Variants in DOCK9 observed in about 807,000 individuals in gnomAD.
DOCK9 encodes dedicator of cytokinesis 9, also known as dedicator of cytokinesis protein 9.
DOCK9 carries 89 observed loss-of-function variants against 263.3 expected under a neutral mutation model. The ratio of observed to expected loss-of-function variants is 0.34; its 90% confidence interval spans 0.28 to 0.40. The LOEUF is 0.40. Ranked by LOEUF, DOCK9 falls within the 10% of genes least tolerant of loss-of-function variation. The pLI, the probability that DOCK9 is intolerant of heterozygous loss-of-function variation, is 1.00. For synonymous variants in DOCK9, 976 were observed against 973.1 expected (o/e 1.00, Z -0.06); for missense variants, 2,140 against 2,603.4 (o/e 0.82, Z 3.87).
intron 38 of DOCK9, among the ~76,000 whole-genome samples, chr13:98,841,357 T>C (rs1174434388): frequency 6.6e-6 from 1 of 152,150 alleles, no homozygotes; most frequent in African/African-American, 2.4e-5. Context: ...AATACTTGGT[T>C]TAAACATACC....
At chr13:98,910,043 G>A (rs1255767887) in intron 9 of DOCK9, among the ~76,000 whole-genome samples, 1 of 152,164 alleles carries the variant, frequency 6.6e-6, no homozygotes, top group Non-Finnish European at 1.5e-5. Flanking sequence ...AAAGTTGGAT[G>A]CTATTCTTTG....
upstream of DOCK9, among the ~76,000 whole-genome samples, chr13:98,981,935 C>T (rs564206900): frequency 1.3e-5 from 2 of 152,274 alleles, no homozygotes; most frequent in South Asian, 2.1e-4. Context: ...GGTGTATGTC[C>T]GACCCCCGAT....
intron 2 of DOCK9, among the ~76,000 whole-genome samples, chr13:98,951,345 T>G (rs2057386124): frequency 6.6e-6 from 1 of 152,226 alleles, no homozygotes. Flanking sequence ...ACAGTATTAA[T>G]ATTTACTTGA....
intron 1 of DOCK9, among the ~76,000 whole-genome samples, chr13:99,070,015 C>CT (rs914368504): frequency 4.0e-5 from 6 of 151,800 alleles, no homozygotes; most frequent in South Asian, 2.1e-4. Context: ...CAAAGATAGA[C>CT]TTTTTTTTTC....
chr13:98,931,055 C>T (rs1031132160), intron 2 of DOCK9, among the ~76,000 whole-genome samples: 13 of 152,300 alleles, frequency 8.5e-5, no homozygotes, highest in Admixed American at 2.0e-4. Context: ...TGTTCACTGC[C>T]ACATCCCCAG....
At chr13:98,881,062 T>C (rs1172635488) in intron 25 of DOCK9, among the ~76,000 whole-genome samples, 1 of 152,252 alleles carries the variant, frequency 6.6e-6, no homozygotes, top group Non-Finnish European at 1.5e-5. Context: ...CTGTTTAGAA[T>C]AGTAACTGCC....
intron 1 of DOCK9, among the ~76,000 whole-genome samples, chr13:99,042,214 A>G (rs1888524553): frequency 6.6e-6 from 1 of 152,258 alleles, no homozygotes; most frequent in Admixed American, 6.5e-5. Context: ...AACAGGTATT[A>G]TCTCTGTGCT....
intron 1 of DOCK9, among the ~76,000 whole-genome samples, chr13:98,966,976 T>C (rs1286832104): frequency 1.3e-5 from 2 of 152,220 alleles, no homozygotes; most frequent in South Asian, 2.1e-4. Context: ...AGCTCTGAGG[T>C]TGGGGCCTCA....
intron 3 of DOCK9, among the ~76,000 whole-genome samples, chr13:98,927,840 C>T (rs1349581777): frequency 1.3e-5 from 2 of 151,850 alleles, no homozygotes; most frequent in African/African-American, 4.8e-5. Flanking sequence ...AGGCTGGTCT[C>T]GAACTCCTGA....
chr13:99,015,493 T>C, intron 1 of DOCK9: 1 of 1,597,966 alleles, frequency 6.3e-7, no homozygotes. Context: ...TGTCCAATTG[T>C]ATGCTGTATA....
chr13:98,796,268 T>G, intron 52 of DOCK9: 1 of 1,478,570 alleles, frequency 6.8e-7, no homozygotes. Context: ...GCTCACACAC[T>G]GACGTTCGTT....
chr13:99,069,257 C>T (rs1566384068), intron 1 of DOCK9, among the ~76,000 whole-genome samples: 1 of 152,312 alleles, frequency 6.6e-6, no homozygotes, highest in East Asian at 1.9e-4. Flanking sequence ...TAAGTTACTA[C>T]TGAGACCTTT....
intron 37 of DOCK9, 107 bp downstream of exon 37, chr13:98,848,485 G>A (rs1010505060): frequency 1.3e-5 from 15 of 1,192,772 alleles, no homozygotes; most frequent in Admixed American, 1.1e-4. Context: ...CCCCATGGCC[G>A]CTTCCATGAA....
intron 1 of DOCK9, among the ~76,000 whole-genome samples, chr13:98,967,149 A>G (rs1245689557): frequency 1.3e-5 from 2 of 152,264 alleles, no homozygotes; most frequent in African/African-American, 2.4e-5. Context: ...ACCTTTGGAC[A>G]AGTTGCTTAT....
chr13:98,935,914 C>T (rs2054748182), intron 2 of DOCK9, among the ~76,000 whole-genome samples: 1 of 152,178 alleles, frequency 6.6e-6, no homozygotes, highest in Admixed American at 6.5e-5. Flanking sequence ...ATTCATTGCC[C>T]TTGCTCTGAG....
intron 2 of DOCK9, among the ~76,000 whole-genome samples, chr13:98,949,075 G>A (rs2057077993): frequency 6.6e-6 from 1 of 151,958 alleles, no homozygotes; most frequent in African/African-American, 2.4e-5. Flanking sequence ...TCCAGAAGTG[G>A]TATACAACAT....
At chr13:99,058,768 A>G (rs1256319397) in intron 1 of DOCK9, among the ~76,000 whole-genome samples, 4 of 151,710 alleles carry the variant, frequency 2.6e-5, no homozygotes, top group Non-Finnish European at 4.4e-5. Context: ...CAAGGACTCC[A>G]CCCCCTAAAG....
At chr13:98,943,937 C>T (rs1454252453) in intron 2 of DOCK9, among the ~76,000 whole-genome samples, 1 of 152,130 alleles carries the variant, frequency 6.6e-6, no homozygotes, top group African/African-American at 2.4e-5. Flanking sequence ...ATCCTTAGTT[C>T]AAATCTTCCT....
chr13:98,894,814 A>C (rs1009344818), intron 15 of DOCK9, among the ~76,000 whole-genome samples: 10 of 151,962 alleles, frequency 6.6e-5, no homozygotes, highest in Non-Finnish European at 1.3e-4. Flanking sequence ...AAACACATTA[A>C]AAGTCAAAAA....
Sources: gnomAD v4.1 joint callset for allele counts (sites outside exome capture counted in the v4.1 genomes callset) on GRCh38, gnomAD v4.1.1 for gene constraint, MANE v1.5 for transcripts, NCBI Gene and HGNC (gene_info 2026-07-23, HGNC 2026-07-21) for gene names.